DNM3: variants seen among roughly 807,000 people sequenced by gnomAD.
DNM3 encodes dynamin-3.
DNM3 carries 47 observed loss-of-function variants against 101.6 expected under a neutral mutation model. The observed-to-expected ratio is 0.46, with a 90% CI of 0.37 to 0.59. The LOEUF (loss-of-function observed/expected upper bound fraction) is 0.59, where lower values mean the gene tolerates loss of function less well. DNM3 is among the 20% of genes least tolerant of loss of function. The pLI is 0.00. For synonymous variants in DNM3, 385 were observed against 387.9 expected, an observed-to-expected ratio of 0.99 and a Z score of 0.09; for missense variants, 849 against 1,085.7, an observed-to-expected ratio of 0.78 and a Z score of 3.06.
intron 9 of DNM3, among the ~76,000 whole-genome samples, chr1:172,047,615 T>A (rs2049908963): frequency 1.3e-5 from 2 of 152,212 alleles, no homozygotes; most frequent in African/African-American, 4.8e-5. Flanking sequence ...TTTGATTCTG[T>A]ACCTCGTTCA....
intron 4 of DNM3, among the ~76,000 whole-genome samples, chr1:171,990,284 T>C (rs1477704796): frequency 6.6e-6 from 1 of 152,144 alleles, no homozygotes; most frequent in Non-Finnish European, 1.5e-5. Flanking sequence ...CGCTTGTTCG[T>C]GCATGAGAGT....
intron 1 of DNM3, among the ~76,000 whole-genome samples, chr1:171,870,730 C>A (rs1043671925): frequency 1.3e-4 from 20 of 152,034 alleles, no homozygotes; most frequent in African/African-American, 4.8e-4. Context: ...AAAAAAACAG[C>A]ATAAGGCTAG....
intron 15 of DNM3, chr1:172,289,548 TA>T: frequency 1.1e-6 from 1 of 933,790 alleles, no homozygotes; most frequent in South Asian, 5.0e-5. Flanking sequence ...AATGTAACAA[TA>T]ACATATTTGG....
chr1:172,258,493 G>T (rs186570691), intron 15 of DNM3, among the ~76,000 whole-genome samples: 4 of 151,834 alleles, frequency 2.6e-5, no homozygotes, highest in African/African-American at 7.3e-5. Flanking sequence ...TTCAATCTTC[G>T]TAGGTTGTAT....
intron 1 of DNM3, among the ~76,000 whole-genome samples, chr1:171,893,662 C>T (rs2037501068): frequency 6.6e-6 from 1 of 152,118 alleles, no homozygotes; most frequent in Admixed American, 6.5e-5. Flanking sequence ...ATTATATCAC[C>T]CAGGTTGGTC....
intron 11 of DNM3, among the ~76,000 whole-genome samples, chr1:172,071,350 T>G (rs922875840): frequency 2.6e-5 from 4 of 151,832 alleles, no homozygotes; most frequent in African/African-American, 9.7e-5. Flanking sequence ...ATCAAGTGCC[T>G]GTCAAAGCTG....
rs140012523 is a variant in DNM3 at position 172,281,888 on chromosome 1, A to G, written c.1770-26840A>G. ...TTGAATACTTGTATCAAAATATCAC[A>G]GTACCCCATAAATATGTATAACTCT... On this transcript the variant is annotated intron_variant, in intron 15 of 20. Coordinates refer to ENST00000627582, the MANE Select transcript of DNM3 (RefSeq NM_015569.5). 2.7e-3 allele frequency among the ~76,000 whole-genome samples: 409 copies of G among 152,324 alleles called. 1 individual carries two copies. Among genetic ancestry groups the G allele is most frequent in the African/African-American group, 9.4e-3 (391 of 41,574 alleles).
At chr1:171,903,336 A>G (rs563906881) in intron 1 of DNM3, among the ~76,000 whole-genome samples, 2 of 151,288 alleles carry the variant, frequency 1.3e-5, no homozygotes, top group African/African-American at 4.9e-5. Flanking sequence ...TAACTTTATC[A>G]TAGATCTTTC....
chr1:171,894,360 G>A (rs1014882957), intron 1 of DNM3, among the ~76,000 whole-genome samples: 1 of 152,062 alleles, frequency 6.6e-6, no homozygotes, highest in African/African-American at 2.4e-5. Context: ...GAAAGCTCTG[G>A]TCTTTCCTCA....
intron 1 of DNM3, among the ~76,000 whole-genome samples, chr1:171,904,220 A>G (rs1416660929): frequency 6.6e-6 from 1 of 151,686 alleles, no homozygotes; most frequent in Non-Finnish European, 1.5e-5. Flanking sequence ...GCTGAGGTGG[A>G]TCACCTGAGC....
chr1:172,188,791 C>A (rs2059607996), intron 14 of DNM3, among the ~76,000 whole-genome samples: 1 of 152,054 alleles, frequency 6.6e-6, no homozygotes, highest in South Asian at 2.1e-4. Flanking sequence ...ATTTTGCATT[C>A]CTTCCAGAAA....
chr1:171,943,280 C>T (rs1016053371), intron 2 of DNM3, among the ~76,000 whole-genome samples: 2 of 152,098 alleles, frequency 1.3e-5, no homozygotes, highest in African/African-American at 4.8e-5. Context: ...GCCCACCAAC[C>T]ATTTGAATAG....
At chr1:172,393,862 G>C (rs1480603301) in intron 20 of DNM3, 1 of 152,448 alleles carries the variant, frequency 6.6e-6, no homozygotes, top group Non-Finnish European at 1.5e-5. Context: ...TGTTCTTTTT[G>C]ATTCTTAATA....
intron 14 of DNM3, among the ~76,000 whole-genome samples, chr1:172,230,842 T>A (rs2061309731): frequency 6.6e-6 from 1 of 152,086 alleles, no homozygotes; most frequent in South Asian, 2.1e-4. Context: ...TTAGAACACA[T>A]TCTCCTCTTG....
chr1:172,294,911 C>CA (rs57685535), intron 15 of DNM3, among the ~76,000 whole-genome samples: 18,817 of 86,758 alleles, frequency 0.22, 1,547 homozygotes, highest in Middle Eastern at 0.26. Flanking sequence ...GACTTTGTCT[C>CA]AAAAAAAAAA....
intron 2 of DNM3, among the ~76,000 whole-genome samples, chr1:171,944,854 C>A (rs201682899): frequency 1.1e-4 from 4 of 37,580 alleles, no homozygotes; most frequent in Admixed American, 3.5e-4. Context: ...TTTGGTGTTT[C>A]CTTTTTTTTT....
chr1:172,297,142 C>CA (rs767532426), intron 15 of DNM3, among the ~76,000 whole-genome samples: 26,056 of 110,764 alleles, frequency 0.24, 2,609 homozygotes, highest in East Asian at 0.31. Context: ...AACTCCATCT[C>CA]AAAAAAAAAA....
chr1:171,930,588 G>C (rs1248263559), intron 2 of DNM3, among the ~76,000 whole-genome samples: 1 of 152,142 alleles, frequency 6.6e-6, no homozygotes, highest in Non-Finnish European at 1.5e-5. Context: ...GGGTTGCAAA[G>C]ATCCGTGGGA....
Position 172,092,865 on chromosome 1 carries a change from T to C in DNM3, c.1535T>C (p.Val512Ala), listed in dbSNP as rs2054004710. 5 of 1,559,480 alleles carry C rather than the reference T, an allele frequency of 3.2e-6. No homozygotes were observed. The highest frequency in any genetic ancestry group is 2.7e-5 in the African/African-American group (2 of 73,502). ...AGTCAGGTTCACAAGAAAACCACAG[T>C]TGGAAATCAGGTAGGAATTGCATAA... The part of the protein sequence containing the change: ...RSSQVHKKTT[V>A]GNQVIRKGWL... Residue 512 changes from valine (V) to alanine (A), a missense_variant, in exon 13 of 21, where the codon GTT becomes GCT. By Grantham distance (64) the Val-to-Ala change is moderately conservative. Coordinates refer to ENST00000627582, the MANE Select transcript of DNM3 (RefSeq NM_015569.5).
Sources: allele counts gnomAD v4.1 joint callset (sites outside exome capture counted in the v4.1 genomes callset), GRCh38; gene constraint gnomAD v4.1.1; transcripts MANE v1.5; gene names NCBI Gene and HGNC (gene_info 2026-07-23, HGNC 2026-07-21).